RAB38: variants seen among roughly 807,000 people sequenced by gnomAD.
RAB38 encodes RAB38, member RAS oncogene family, also known as ras-related protein Rab-38.
RAB38 carries 15 observed loss-of-function variants against 18.4 expected under a neutral mutation model. That is an observed-to-expected ratio of 0.82 (90% CI 0.55 to 1.26). The LOEUF (loss-of-function observed/expected upper bound fraction) is 1.26, where lower values mean the gene tolerates loss of function less well. Among genes scored for constraint, RAB38 ranks in the 50% most tolerant of loss-of-function variants. The pLI, the probability that RAB38 is intolerant of heterozygous loss-of-function variation, is 0.00. For synonymous variants in RAB38, 101 were observed against 104.4 expected (o/e 0.97, Z 0.20); for missense variants, 294 against 267.4 (o/e 1.10, Z -0.69).
intron 2 of RAB38, among the ~76,000 whole-genome samples, chr11:88,142,741 T>C (rs576611697): frequency 6.6e-6 from 1 of 152,336 alleles, no homozygotes; most frequent in South Asian, 2.1e-4. Context: ...GTCCATTGCA[T>C]TATAATCCCA....
At chr11:88,023,372 CCTACAAAACACTGATAAAAAT>C in the RAB38 span, among the ~76,000 whole-genome samples, 1 of 148,848 alleles carries the variant, frequency 6.7e-6, no homozygotes, top group Non-Finnish European at 1.5e-5. Context: ...AAAAAAAAAA[CCTACAAAACACTGATAAAAAT>C]CTAAAAGAAT....
the RAB38 span, among the ~76,000 whole-genome samples, chr11:88,021,955 C>T: frequency 6.6e-6 from 1 of 151,696 alleles, no homozygotes; most frequent in Non-Finnish European, 1.5e-5. Context: ...AGGCATGAGC[C>T]ACTGCACCTG....
At chr11:87,816,632 T>C in the RAB38 span, 1 of 152,122 alleles carries the variant, frequency 6.6e-6, no homozygotes, top group African/African-American at 2.4e-5. Context: ...ACTCTCTCTA[T>C]ATATATCATT....
At chr11:87,956,986 G>GC in the RAB38 span, among the ~76,000 whole-genome samples, 2 of 151,484 alleles carry the variant, frequency 1.3e-5, no homozygotes, top group Non-Finnish European at 2.9e-5. Flanking sequence ...AGTTTTTTGG[G>GC]GGGGGGTCCT....
the RAB38 span, among the ~76,000 whole-genome samples, chr11:87,818,017 G>T: frequency 6.6e-6 from 1 of 152,286 alleles, no homozygotes; most frequent in Middle Eastern, 3.4e-3. Context: ...CTGGCCTTGT[G>T]TAAAACTAGG....
At chr11:88,129,856 T>C (rs1317748876) in intron 2 of RAB38, among the ~76,000 whole-genome samples, 1 of 152,234 alleles carries the variant, frequency 6.6e-6, no homozygotes, top group Non-Finnish European at 1.5e-5. Flanking sequence ...TTTAATCTTA[T>C]ATTTTATAAT....
downstream of RAB38, among the ~76,000 whole-genome samples, chr11:88,112,153 A>C (rs539440532): frequency 2.0e-5 from 3 of 152,200 alleles, no homozygotes; most frequent in Non-Finnish European, 4.4e-5. Context: ...AGACCAATTC[A>C]TGGATTGTTC....
the RAB38 span, among the ~76,000 whole-genome samples, chr11:87,898,915 T>C: frequency 6.6e-6 from 1 of 151,642 alleles, no homozygotes; most frequent in Non-Finnish European, 1.5e-5. Context: ...ATCACACTTT[T>C]AGAGCTTCAC....
chr11:88,069,522 G>A, the RAB38 span, among the ~76,000 whole-genome samples: 2 of 152,208 alleles, frequency 1.3e-5, no homozygotes, highest in Non-Finnish European at 2.9e-5. Flanking sequence ...AGTGGGGTGG[G>A]GATTTGGAGA....
At chr11:87,870,739 T>C in the RAB38 span, among the ~76,000 whole-genome samples, 2 of 151,586 alleles carry the variant, frequency 1.3e-5, no homozygotes, top group African/African-American at 2.4e-5. Flanking sequence ...TTAATAGAAA[T>C]AGACTTATAT....
the RAB38 span, among the ~76,000 whole-genome samples, chr11:87,964,663 C>T: frequency 1.4e-4 from 22 of 152,164 alleles, no homozygotes; most frequent in Admixed American, 1.4e-3. Context: ...CTGCTTCCTC[C>T]TTCTGGGTCC....
At chr11:88,015,584 G>A in the RAB38 span, among the ~76,000 whole-genome samples, 2 of 152,088 alleles carry the variant, frequency 1.3e-5, no homozygotes, top group Admixed American at 1.3e-4. Context: ...ATACTCTTGT[G>A]GTGATTTAGA....
At chr11:88,083,990 T>C in the RAB38 span, among the ~76,000 whole-genome samples, 2 of 152,088 alleles carry the variant, frequency 1.3e-5, no homozygotes, top group South Asian at 2.1e-4. Context: ...CCCCATATCC[T>C]AGAATTGTGC....
the RAB38 span, among the ~76,000 whole-genome samples, chr11:87,912,524 A>G: frequency 1.3e-5 from 2 of 151,864 alleles, no homozygotes; most frequent in East Asian, 1.9e-4. Context: ...TAATATTTGT[A>G]GAATCTGTAG....
At chr11:88,069,158 C>T in the RAB38 span, among the ~76,000 whole-genome samples, 11 of 152,336 alleles carry the variant, frequency 7.2e-5, no homozygotes, top group South Asian at 2.1e-4. Context: ...CTGCCAGCAC[C>T]GCTGGCTCTG....
intron 2 of RAB38, among the ~76,000 whole-genome samples, chr11:88,128,046 T>C (rs1259102123): frequency 1.3e-5 from 2 of 152,176 alleles, no homozygotes; most frequent in Non-Finnish European, 2.9e-5. Context: ...GATTCAAATT[T>C]AAAAAGCACA....
chr11:88,023,624 A>G, the RAB38 span, among the ~76,000 whole-genome samples: 2 of 152,110 alleles, frequency 1.3e-5, no homozygotes, highest in African/African-American at 4.8e-5. Context: ...AAACTGGAGG[A>G]ATTACATTAC....
chr11:87,863,072 A>T, the RAB38 span, among the ~76,000 whole-genome samples: 5 of 151,888 alleles, frequency 3.3e-5, no homozygotes, highest in Admixed American at 3.3e-4. Flanking sequence ...CCTGGTGTAT[A>T]GAAAATGTTT....
chr11:88,058,378 C>A, the RAB38 span, among the ~76,000 whole-genome samples: 1 of 152,180 alleles, frequency 6.6e-6, no homozygotes, highest in Non-Finnish European at 1.5e-5. Flanking sequence ...GCCAGTTCAA[C>A]ATGTATAGAG....
Sources: allele counts gnomAD v4.1 joint callset (sites outside exome capture counted in the v4.1 genomes callset), GRCh38; gene constraint gnomAD v4.1.1; transcripts MANE v1.5; gene names NCBI Gene and HGNC (gene_info 2026-07-23, HGNC 2026-07-21).